Variants in SMPD3 observed in about 807,000 individuals in gnomAD.
SMPD3 encodes sphingomyelin phosphodiesterase 3, also known as nSMase-2.
Under a neutral mutation model 55.7 loss-of-function variants are expected in SMPD3, and 21 were observed. The observed-to-expected ratio is 0.38, with a 90% CI of 0.27 to 0.54. SMPD3 has a LOEUF of 0.54. SMPD3 is among the 20% of genes least tolerant of loss of function. SMPD3 has a pLI of 0.80. For missense variants in SMPD3, 842 were observed against 899.6 expected, an observed-to-expected ratio of 0.94 and a Z score of 0.82; for synonymous variants, 457 against 404.3, an observed-to-expected ratio of 1.13 and a Z score of -1.56.
At chr16:68,382,685 G>A (rs1044277300) in intron 2 of SMPD3, among the ~76,000 whole-genome samples, 2 of 152,162 alleles carry the variant, frequency 1.3e-5, no homozygotes, top group African/African-American at 4.8e-5. Context: ...TGCCTTGCCA[G>A]GGCCATGCCT....
Position 68,447,544 on chromosome 16 carries a change from C to T in SMPD3, c.-269+809G>A, listed in dbSNP as rs1597676516. 2.0e-5 allele frequency among the ~76,000 whole-genome samples: 3 copies of T among 151,196 alleles called. No homozygotes were observed. Among genetic ancestry groups the T allele is most frequent in the African/African-American group, 7.3e-5 (3 of 41,220 alleles). On this transcript the variant is annotated intron_variant, in intron 1 of 8. Coordinates refer to ENST00000219334, the MANE Select transcript of SMPD3 (RefSeq NM_018667.4). This position sits in a 1 kb window ranked among gnomAD's most constrained non-coding sequence, Gnocchi z 5.1. ...GGGTCCCTCCTGTCCTCGTACATCC[C>T]CCTACACTACCTCTCACACCCAGGC... is the stretch of plus-strand genomic sequence containing the variant.
chr16:68,364,605 G>T, intron 5 of SMPD3, 146 bp downstream of exon 5: 2 of 896,922 alleles, frequency 2.2e-6, no homozygotes, highest in Non-Finnish European at 3.3e-6. Context: ...CTAGGGGGCA[G>T]AGAAATCAGT....
chr16:68,405,982 G>C (rs2090251970), intron 1 of SMPD3, among the ~76,000 whole-genome samples: 1 of 152,178 alleles, frequency 6.6e-6, no homozygotes, highest in South Asian at 2.1e-4. Flanking sequence ...TATCTCACTT[G>C]ATCATCAGCC....
chr16:68,364,426 G>A, intron 5 of SMPD3: 1 of 294,104 alleles, frequency 3.4e-6, no homozygotes, highest in Non-Finnish European at 6.3e-6. Context: ...CGATAGAATG[G>A]CAGCTGGCTC....
intron 2 of SMPD3, among the ~76,000 whole-genome samples, chr16:68,383,077 G>A (rs941378326): frequency 6.6e-6 from 1 of 152,204 alleles, no homozygotes; most frequent in African/African-American, 2.4e-5. Flanking sequence ...GACCCCAGGT[G>A]ATCCACCCGC....
Position 68,442,279 on chromosome 16 carries a change from T to C in SMPD3, c.-269+6074A>G, listed in dbSNP as rs534727185. ...GAGCAGCCCTCAACTTCCCTCGCTG[T>C]CTTTCCTCATGTTAAAAAGACATGA... On this transcript the variant is annotated intron_variant, in intron 1 of 8. Transcript: ENST00000219334. Among the ~76,000 whole-genome samples the C allele has an allele frequency of 1.2e-3, 180 of 152,338 alleles. 2 individuals are homozygous for C. Among genetic ancestry groups the C allele is most frequent in the Middle Eastern group, 6.8e-3 (2 of 294 alleles).
At chr16:68,441,954 C>G (rs535346896) in intron 1 of SMPD3, among the ~76,000 whole-genome samples, 1 of 152,114 alleles carries the variant, frequency 6.6e-6, no homozygotes, top group South Asian at 2.1e-4. Context: ...TTTATAGAGA[C>G]GGGGTCTCAC....
At chr16:68,445,678 T>G (rs141085819) in intron 1 of SMPD3, among the ~76,000 whole-genome samples, 27 of 152,316 alleles carry the variant, frequency 1.8e-4, no homozygotes, top group Middle Eastern at 3.4e-3. Context: ...TGGATACTTG[T>G]GGGAACTGGA....
Position 68,404,125 on chromosome 16 carries a change from C to T in SMPD3, c.-268-17466G>A, listed in dbSNP as rs552973683. 6.6e-6 allele frequency among the ~76,000 whole-genome samples: 1 copy of T among 152,148 alleles called. No individual in the cohort carries two copies. The highest frequency in any genetic ancestry group is 6.5e-5 in the Admixed American group (1 of 15,282). ...CTGCCTCTCGGGCTCAAGAGATCCT[C>T]CCACCTCAGCCTCCCGAGTAGCTGG... On this transcript the variant is annotated intron_variant, in intron 1 of 8. Coordinates refer to ENST00000219334, the MANE Select transcript of SMPD3 (RefSeq NM_018667.4). This position sits in a 1 kb window ranked among gnomAD's most constrained non-coding sequence, Gnocchi z 4.0.
At chr16:68,367,007 CAAA>C (rs35797796) in intron 3 of SMPD3, among the ~76,000 whole-genome samples, 170 of 129,508 alleles carry the variant, frequency 1.3e-3, no homozygotes, top group African/African-American at 1.6e-3. Flanking sequence ...GACTCTGTCT[CAAA>C]AAAAAAAAAA....
chr16:68,401,988 G>A (rs2090211216), intron 1 of SMPD3, among the ~76,000 whole-genome samples: 1 of 152,048 alleles, frequency 6.6e-6, no homozygotes, highest in Non-Finnish European at 1.5e-5. Context: ...CCACAAAGAG[G>A]CAACAAGGTT....
At chr16:68,393,014 G>A (rs1257670842) in intron 1 of SMPD3, among the ~76,000 whole-genome samples, 4 of 151,734 alleles carry the variant, frequency 2.6e-5, no homozygotes, top group East Asian at 1.9e-4. Context: ...ACTAAATTTC[G>A]GTTGTTTAAG....
intron 1 of SMPD3, among the ~76,000 whole-genome samples, chr16:68,415,991 A>G (rs952487542): frequency 6.6e-6 from 1 of 152,184 alleles, no homozygotes; most frequent in Non-Finnish European, 1.5e-5. Flanking sequence ...ATTATCCATT[A>G]GGGTAGCTAT....
intron 2 of SMPD3, among the ~76,000 whole-genome samples, chr16:68,377,648 C>A (rs1442157275): frequency 1.3e-5 from 2 of 152,212 alleles, no homozygotes; most frequent in African/African-American, 4.8e-5. Flanking sequence ...TAAGGCCTAG[C>A]CAGGCTGGTC....
Position 68,371,098 on chromosome 16 carries a change from G to C in SMPD3, c.1084C>G (p.Leu362Val). 6.2e-7 allele frequency: 1 copy of C among 1,614,158 alleles called. No homozygotes were observed. The highest frequency in any genetic ancestry group is 1.1e-5 in the South Asian group (1 of 91,084). ...FFPANLDFLCLQEVFDKRAAT... is the reference protein window; with the variant it reads ...FFPANLDFLCVQEVFDKRAAT... ...GCTCGCTTGTCAAACACCTCCTGCA[G>C]GCACAGGAAGTCCAGGTTGGCGGGG... is the stretch of plus-strand genomic sequence containing the variant. Residue 362 changes from leucine to valine, a missense_variant, in exon 3 of 9, where the codon CTG becomes GTG. Physicochemically the swap from Leu to Val is conservative, Grantham distance 32 (BLOSUM62 1). Around this residue, in one of 2 missense-constraint regions of SMPD3, gnomAD observed 649 missense variants for 643.6 expected, o/e 1.01. Coordinates refer to ENST00000219334, the MANE Select transcript of SMPD3 (RefSeq NM_018667.4).
rs565315483 is a variant in SMPD3, at chr16:68,404,327, C to T, written c.-268-17668G>A. 3.3e-5 allele frequency among the ~76,000 whole-genome samples: 5 copies of T among 151,974 alleles called. No homozygotes were observed. Among genetic ancestry groups the T allele is most frequent in the East Asian group, 1.9e-4 (1 of 5,176 alleles). On this transcript the variant is annotated intron_variant, in intron 1 of 8. Coordinates refer to ENST00000219334, the MANE Select transcript of SMPD3 (RefSeq NM_018667.4). The surrounding 1 kb of genome is among the most constrained non-coding windows in gnomAD (Gnocchi z 4.0). ...GTCGGTCAGGCTGGTCTCGAACTCC[C>T]GACCTCAGGTGATCTGCCCGCCTCA...
chr16:68,392,222 G>C (rs550101959), intron 1 of SMPD3, among the ~76,000 whole-genome samples: 1 of 152,144 alleles, frequency 6.6e-6, no homozygotes, highest in South Asian at 2.1e-4. Flanking sequence ...TGGTGCAAAA[G>C]TAATAGACAT....
chr16:68,359,446 A>G lies in SMPD3; in HGVS notation c.*1760T>C, dbSNP rs1214164433. 1 of 152,656 alleles carries G rather than the reference A, an allele frequency of 6.6e-6. No homozygotes were observed. The highest frequency in any genetic ancestry group is 1.5e-5 in the Non-Finnish European group (1 of 68,138). 9.5% of individuals were successfully genotyped at this position (152,656 alleles called of 1,614,324 possible). Reference sequence around the variant, plus strand: ...TGCTTCCCAGGCCAGGTGAGTTCAGACAGGCCAGTGTCACAAGGACGCACG... The same window carrying G: ...TGCTTCCCAGGCCAGGTGAGTTCAGGCAGGCCAGTGTCACAAGGACGCACG... On this transcript the variant is annotated 3_prime_UTR_variant, in exon 9 of 9. Transcript: ENST00000219334.
chr16:68,379,115 T>G (rs1431514658), intron 2 of SMPD3, among the ~76,000 whole-genome samples: 1 of 152,228 alleles, frequency 6.6e-6, no homozygotes, highest in Non-Finnish European at 1.5e-5. Context: ...TTCTATCAGG[T>G]CCTCTCCTGT....
Sources: allele counts gnomAD v4.1 joint callset (sites outside exome capture counted in the v4.1 genomes callset), GRCh38; gene constraint gnomAD v4.1.1; regional missense constraint gnomAD v4.1.1; non-coding constraint Gnocchi (gnomAD v3.1); transcripts MANE v1.5; gene names NCBI Gene and HGNC (gene_info 2026-07-23, HGNC 2026-07-21).